Variants in ORC3 observed in about 807,000 individuals in gnomAD.
ORC3 encodes the protein homolog of latheo, Drosophila.
A neutral mutation model predicts 100.7 loss-of-function variants in ORC3; 78 were observed. That is an observed-to-expected ratio of 0.77 (90% CI 0.65 to 0.94). The LOEUF (loss-of-function observed/expected upper bound fraction) is 0.94. Among genes scored for constraint, ORC3 ranks in the 40% least tolerant of loss-of-function variants. The probability of loss-of-function intolerance (pLI) is 0.00; values close to 1 mark genes in which losing one functional copy is unlikely to be tolerated. For synonymous variants in ORC3, 295 were observed against 289.3 expected (o/e 1.02, Z -0.20); for missense variants, 789 against 823.9 (o/e 0.96, Z 0.52).
At chr6:87,636,601 C>G in intron 13 of ORC3, 115 bp downstream of exon 13, 1 of 670,124 alleles carries the variant, frequency 1.5e-6, no homozygotes, top group Non-Finnish European at 2.7e-6. Context: ...CATGTTGTGT[C>G]TAAGAATATT....
intron 2 of ORC3, among the ~76,000 whole-genome samples, chr6:87,601,030 C>T (rs1777859375): frequency 6.6e-6 from 1 of 151,966 alleles, no homozygotes; most frequent in Non-Finnish European, 1.5e-5. Flanking sequence ...AATATACAGA[C>T]AGAATAAATG....
chr6:87,621,966 G>A lies in ORC3; in HGVS notation c.1138G>A (p.Ala380Thr). The A allele has an allele frequency of 1.9e-6, 3 of 1,606,834 alleles. No homozygotes were observed. Among genetic ancestry groups the A allele is most frequent in the South Asian group, 2.2e-5 (2 of 90,420 alleles). Residue 380 changes from alanine (A) to threonine (T), a missense_variant, in exon 11 of 20, where the codon GCT becomes ACT. Physicochemically the swap from Ala to Thr is moderately conservative, Grantham distance 58 (BLOSUM62 0). This residue lies in a region of ORC3 where 366 missense variants were observed against 394.2 expected (regional missense o/e 0.93). Transcript: ENST00000392844. Reference sequence around the variant, plus strand: ...AAATTCTAGGTACGTGGAAAAGCAAGCTTCAGAAAAGCAAGTTGCGCTCTT... The same window carrying A: ...AAATTCTAGGTACGTGGAAAAGCAAACTTCAGAAAAGCAAGTTGCGCTCTT... ...PSFRRYVEKQ[A>T]SEKQVALLTN...
chr6:87,646,004 T>C (rs113225888), intron 13 of ORC3, among the ~76,000 whole-genome samples: 11 of 149,816 alleles, frequency 7.3e-5, no homozygotes, highest in African/African-American at 2.7e-4. Flanking sequence ...TCTTTTTTTT[T>C]GAGGCGGAGT....
intron 7 of ORC3, among the ~76,000 whole-genome samples, chr6:87,609,749 A>C (rs1778612197): frequency 6.6e-6 from 1 of 151,936 alleles, no homozygotes; most frequent in Non-Finnish European, 1.5e-5. Flanking sequence ...ACAGAGTTTC[A>C]CCATGTTGGC....
downstream of ORC3, among the ~76,000 whole-genome samples, chr6:87,671,274 T>C (rs1770824243): frequency 6.6e-6 from 1 of 152,052 alleles, no homozygotes; most frequent in Non-Finnish European, 1.5e-5. Context: ...GCTATGATAG[T>C]GTCTTGGATT....
chr6:87,646,332 G>T (rs563505052), intron 13 of ORC3, among the ~76,000 whole-genome samples: 1 of 151,954 alleles, frequency 6.6e-6, no homozygotes, highest in Admixed American at 6.6e-5. Context: ...AAGATAAATC[G>T]CTCTTTTGTG....
chr6:87,594,467 C>T (rs1391669408), intron 2 of ORC3, 60 bp downstream of exon 2: 2 of 1,421,418 alleles, frequency 1.4e-6, no homozygotes, highest in Non-Finnish European at 1.9e-6. Context: ...TAGGAACTAA[C>T]CCTAATTGAA....
downstream of ORC3, among the ~76,000 whole-genome samples, chr6:87,668,718 C>T (rs752136677): frequency 1.4e-4 from 22 of 152,208 alleles, no homozygotes; most frequent in Non-Finnish European, 2.2e-4. Flanking sequence ...TACAGCAGCT[C>T]GCGCCTGTAA....
the ORC3 span, among the ~76,000 whole-genome samples, chr6:87,674,316 A>AT: frequency 6.6e-6 from 1 of 151,480 alleles, no homozygotes; most frequent in East Asian, 1.9e-4. Flanking sequence ...AAAAAAAAAA[A>AT]AAAAAAAAAT....
chr6:87,597,687 A>G (rs1400984648), intron 2 of ORC3, among the ~76,000 whole-genome samples: 2 of 139,572 alleles, frequency 1.4e-5, no homozygotes, highest in Admixed American at 6.8e-5. Context: ...ATATACACAC[A>G]CACACACACA....
rs547670893 is a variant in ORC3 at position 87,616,547 on chromosome 6, C to T, written c.987+120C>T. The T allele has an allele frequency of 1.4e-3, 693 of 510,940 alleles. 21 individuals carry two copies. In the South Asian group the frequency reaches 0.019, roughly 14 times the overall value. 31.7% of individuals were successfully genotyped at this position (510,940 alleles called of 1,614,324 possible). A position where few individuals can be genotyped will look rare whatever the true frequency, so the allele number is the denominator to read the frequency against. ...GGCAAAATCTAGAATAAGTAAATTC[C>T]AGTTATTTTATTCTAGGTTCTACAA... On this transcript the variant is annotated intron_variant, in intron 9 of 19. Transcript: ENST00000392844.
At chr6:87,662,828 GGTT>G (rs1770297537) in intron 16 of ORC3, among the ~76,000 whole-genome samples, 172 bp from the exon 17 acceptor site, 2 of 152,012 alleles carry the variant, frequency 1.3e-5, no homozygotes, top group South Asian at 4.1e-4. Flanking sequence ...GTTTGTTTTT[GGTT>G]GTTAATTTTG....
At chr6:87,644,868 A>G (rs1377922529) in intron 13 of ORC3, among the ~76,000 whole-genome samples, 1 of 152,096 alleles carries the variant, frequency 6.6e-6, no homozygotes, top group Non-Finnish European at 1.5e-5. Context: ...AAATTGCATC[A>G]ATAAAGTATG....
At chr6:87,632,780 C>T (rs1045783862) in intron 11 of ORC3, among the ~76,000 whole-genome samples, 15 of 152,146 alleles carry the variant, frequency 9.9e-5, no homozygotes, top group Admixed American at 9.2e-4. Context: ...AAGAGAATCA[C>T]TTGAACCTGG....
chr6:87,653,777 G>T (rs1006347648), intron 14 of ORC3, among the ~76,000 whole-genome samples: 1 of 152,202 alleles, frequency 6.6e-6, no homozygotes, highest in Admixed American at 6.5e-5. Flanking sequence ...GAATCTTTCA[G>T]TCCTAAATTA....
chr6:87,602,972 C>CATATATATATATATATATAT (rs55910908), intron 3 of ORC3, among the ~76,000 whole-genome samples: 1 of 62,876 alleles, frequency 1.6e-5, no homozygotes, highest in Non-Finnish European at 3.2e-5. Flanking sequence ...TATATATATA[C>CATATATATATATATATATAT]ATATATATAT....
intron 11 of ORC3, among the ~76,000 whole-genome samples, chr6:87,624,116 T>A (rs1172751999): frequency 6.6e-6 from 1 of 152,156 alleles, no homozygotes; most frequent in Non-Finnish European, 1.5e-5. Flanking sequence ...GCACAGAGAT[T>A]TGTACCCTTA....
At chr6:87,608,876 A>G (rs1162973957) in intron 6 of ORC3, among the ~76,000 whole-genome samples, 2 of 121,310 alleles carry the variant, frequency 1.6e-5, no homozygotes, top group Non-Finnish European at 3.6e-5. Context: ...ATTTCATATG[A>G]GTTATAGATT....
At position 87,616,372 on chromosome 6, in the gene ORC3, C is replaced by T. The variant is rs577602128; in HGVS notation, c.932C>T (p.Thr311Ile). 3.9e-6 allele frequency: 6 copies of T among 1,553,372 alleles called. No individual in the cohort carries two copies. In the African/African-American group the frequency reaches 8.1e-5, roughly 21 times the overall value. The change falls in exon 9 of 20, where the codon ACC (threonine) becomes ATC (isoleucine). Residue 311 changes from threonine to isoleucine, a missense_variant. Transcript: ENST00000392844. The part of the protein sequence containing the change: ...KINEKVLQVL[T>I]NIFLYHDFSV... The stretch of plus-strand genomic sequence containing the variant: ...AATGAAAAAGTATTACAGGTTCTGA[C>T]CAACATCTTTTTGTATCATGATTTC...
Sources: gnomAD v4.1 joint callset for allele counts (sites outside exome capture counted in the v4.1 genomes callset) on GRCh38, gnomAD v4.1.1 for gene constraint, gnomAD v4.1.1 regional missense constraint, MANE v1.5 for transcripts, NCBI Gene and HGNC (gene_info 2026-07-23, HGNC 2026-07-21) for gene names.